The following FBXO33 variants were observed in gnomAD, a reference collection of about 807,000 sequenced individuals.
The protein encoded by FBXO33 is F-box only protein 33.
In FBXO33, 22 loss-of-function variants were observed where a neutral mutation model predicts 46.3. The ratio of observed to expected loss-of-function variants is 0.48; its 90% CI spans 0.34 to 0.68. The LOEUF (loss-of-function observed/expected upper bound fraction) is 0.68, where lower values mean the gene tolerates loss of function less well. Among genes scored for constraint, FBXO33 ranks in the 30% least tolerant of loss-of-function variants. The pLI is 0.01. For missense variants in FBXO33, 692 were observed against 708.8 expected, an observed-to-expected ratio of 0.98 and a Z score of 0.27; for synonymous variants, 337 against 291.3, an observed-to-expected ratio of 1.16 and a Z score of -1.60.
chr14:39,420,973 T>G (rs1044482276), intron 1 of FBXO33, among the ~76,000 whole-genome samples: 5 of 152,080 alleles, frequency 3.3e-5, no homozygotes. Context: ...GAAAGCTGGT[T>G]TAGGATTTTA....
rs775184549 is a variant in FBXO33, at chr14:39,431,712, C to T, written c.451G>A (p.Gly151Ser). ...VEFAAENYLSGGGPGDGGGAD... is the reference protein window; with the variant it reads ...VEFAAENYLSSGGPGDGGGAD... ...CCACCTCCGTCCCCTGGGCCACCGC[C>T]GCTCAGATAGTTCTCGGCGGCGAAT... Residue 151 changes from glycine (G) to serine (S), a missense_variant, in exon 1 of 4, where the codon GGC becomes AGC. Gly to Ser is a moderately conservative substitution (Grantham distance 56). Coordinates refer to ENST00000298097, the MANE Select transcript of FBXO33 (RefSeq NM_203301.4). The T allele has an allele frequency of 2.5e-6, 4 of 1,613,432 alleles. No individual in the cohort carries two copies. Among genetic ancestry groups the T allele is most frequent in the Non-Finnish European group, 2.5e-6 (3 of 1,180,000 alleles).
chr14:39,422,590 TCTA>T (rs1228125154), intron 1 of FBXO33, among the ~76,000 whole-genome samples: 1 of 152,258 alleles, frequency 6.6e-6, no homozygotes, highest in Non-Finnish European at 1.5e-5. Context: ...GCTGACTTCT[TCTA>T]CATTTCATTG....
rs2075495862 is a variant in FBXO33, at chr14:39,423,577, A to G, written c.599+7987T>C. Among the ~76,000 whole-genome samples the G allele has an allele frequency of 3.3e-5, 5 of 152,234 alleles. No homozygotes were observed. In the South Asian group the frequency reaches 1.0e-3, roughly 31 times the overall value. ...GATAAATTACAGTCTAATCATCAATAAAAATTAATGAACAACTATTATAGT... is the reference window on the plus strand; with the variant it reads ...GATAAATTACAGTCTAATCATCAATGAAAATTAATGAACAACTATTATAGT... On this transcript the variant is annotated intron_variant, in intron 1 of 3. Coordinates refer to ENST00000298097, the MANE Select transcript of FBXO33 (RefSeq NM_203301.4).
chr14:39,420,347 A>C (rs2075475260), intron 1 of FBXO33, among the ~76,000 whole-genome samples: 1 of 152,234 alleles, frequency 6.6e-6, no homozygotes, highest in Non-Finnish European at 1.5e-5. Context: ...ATACTTTAGT[A>C]AAGGTAAAAT....
intron 1 of FBXO33, among the ~76,000 whole-genome samples, chr14:39,418,791 A>C (rs200764341): frequency 2.5e-3 from 182 of 73,636 alleles, no homozygotes; most frequent in East Asian, 0.014. Context: ...AAAAAAAAAC[A>C]AAAAAAAAAC....
intron 1 of FBXO33, among the ~76,000 whole-genome samples, chr14:39,430,322 C>T (rs1033149188): frequency 6.6e-6 from 1 of 152,154 alleles, no homozygotes; most frequent in Non-Finnish European, 1.5e-5. Context: ...CAACTTGGAG[C>T]TATAACTTAT....
rs77726617 is a variant in FBXO33 at position 39,431,709 on chromosome 14, C to A, written c.454G>T (p.Gly152Cys). 6.2e-7 allele frequency: 1 copy of A among 1,613,430 alleles called. No individual in the cohort carries two copies. Among genetic ancestry groups the A allele is most frequent in the East Asian group, 2.2e-5 (1 of 44,874 alleles). Residue 152 changes from glycine to cysteine, a missense_variant, in exon 1 of 4, where the codon GGT becomes TGT. Gly to Cys is a radical substitution (Grantham distance 159, BLOSUM62 -3). Transcript: ENST00000298097. ...GCGCCACCTCCGTCCCCTGGGCCAC[C>A]GCCGCTCAGATAGTTCTCGGCGGCG... ...EFAAENYLSG[G>C]GPGDGGGADT... is the part of the protein sequence containing the mutation.
At chr14:39,399,934 A>C in intron 3 of FBXO33, 147 bp from the exon 4 acceptor site, 1 of 952,308 alleles carries the variant, frequency 1.1e-6, no homozygotes, top group Non-Finnish European at 1.5e-6. Flanking sequence ...TTAGAAATAT[A>C]TTGAAATTGG....
intron 1 of FBXO33, among the ~76,000 whole-genome samples, chr14:39,421,701 G>C (rs2075484979): frequency 6.6e-6 from 1 of 152,000 alleles, no homozygotes; most frequent in Non-Finnish European, 1.5e-5. Context: ...AGTGCTTGGT[G>C]ATAAATGAGT....
chr14:39,405,612 G>A (rs746765283), intron 1 of FBXO33, among the ~76,000 whole-genome samples: 109 of 151,892 alleles, frequency 7.2e-4, no homozygotes, highest in Non-Finnish European at 1.4e-3. Flanking sequence ...CAATAAATTA[G>A]GAAGTGATAC....
In FBXO33 at chr14:39,397,722, A is replaced by G. The variant is rs1231388170; in HGVS notation, c.*1794T>C. 1 of 152,698 alleles carries G rather than the reference A, an allele frequency of 6.5e-6. No individual in the cohort carries two copies. 9.5% of individuals were successfully genotyped at this position (152,698 alleles called of 1,614,324 possible). On this transcript the variant is annotated 3_prime_UTR_variant, in exon 4 of 4. Coordinates refer to ENST00000298097, the MANE Select transcript of FBXO33 (RefSeq NM_203301.4). ...AGTTTATTTAACACTAAAAGTAGTC[A>G]TGCTTCATATACAATAAAATATATT...
At position 39,407,400 on chromosome 14, in the gene FBXO33, A is replaced by C. The variant is rs140564740; in HGVS notation, c.600-4889T>G. 1.1e-4 allele frequency among the ~76,000 whole-genome samples: 16 copies of C among 152,282 alleles called. No homozygotes were observed. In the East Asian group the frequency reaches 3.1e-3, roughly 29 times the overall value. ...CTATGCTTTACAACAGATCTCTAGA[A>C]ATTTTTCATCTTGCAGAACAGAAAT... On this transcript the variant is annotated intron_variant, in intron 1 of 3. Transcript: ENST00000298097.
In FBXO33 at chr14:39,431,703, G is replaced by T; in HGVS notation, c.460C>A (p.Pro154Thr). ...AAENYLSGGG[P>T]GDGGGADTGT... ...GTGTCCGCGCCACCTCCGTCCCCTG[G>T]GCCACCGCCGCTCAGATAGTTCTCG... Residue 154 changes from proline (P) to threonine (T), a missense_variant, in exon 1 of 4, where the codon CCA (proline) becomes ACA (threonine). Coordinates refer to ENST00000298097, the MANE Select transcript of FBXO33 (RefSeq NM_203301.4). 1 of 1,613,328 alleles carries T rather than the reference G, an allele frequency of 6.2e-7. No homozygotes were observed.
intron 1 of FBXO33, among the ~76,000 whole-genome samples, chr14:39,409,282 C>G (rs562616682): frequency 6.6e-6 from 1 of 152,182 alleles, no homozygotes; most frequent in East Asian, 1.9e-4. Flanking sequence ...ACGATAGGAT[C>G]CAATTTCCTT....
Position 39,432,034 on chromosome 14 carries a change from C to G in FBXO33, c.129G>C (p.Arg43=). 7.5e-7 allele frequency: 1 copy of G among 1,330,996 alleles called. No homozygotes were observed. The highest frequency in any genetic ancestry group is 9.6e-7 in the Non-Finnish European group (1 of 1,046,432). The allele number at this position is 1,330,996 out of a possible 1,614,324, so 82.4% of individuals were successfully genotyped here. A position where few individuals can be genotyped will look rare whatever the true frequency, so the allele number is the denominator to read the frequency against. The part of the protein sequence containing the change: ...QQLRRLRGLL[R]VLRGRPGAGS... ...CGGCTCCCGGCCGCCCCCGCAGTAC[C>G]CGGAGCAGCCCCCGCAGCCGTCGCA... is the stretch of plus-strand genomic sequence containing the variant. The change falls in exon 1 of 4, where the codon CGG becomes CGC. Residue 43 remains arginine, a synonymous_variant. Coordinates refer to ENST00000298097, the MANE Select transcript of FBXO33 (RefSeq NM_203301.4).
intron 1 of FBXO33, among the ~76,000 whole-genome samples, chr14:39,429,682 A>AT (rs2075533527): frequency 6.6e-6 from 1 of 152,250 alleles, no homozygotes; most frequent in South Asian, 2.1e-4. Context: ...CCAAAGCAGC[A>AT]TGACATACAA....
intron 3 of FBXO33, among the ~76,000 whole-genome samples, chr14:39,400,414 T>G (rs192618170): frequency 1.7e-4 from 26 of 152,280 alleles, no homozygotes; most frequent in Non-Finnish European, 1.5e-5. Context: ...TGGCTTAAAT[T>G]AACTTTTAAA....
chr14:39,408,978 T>C (rs985224172), intron 1 of FBXO33, among the ~76,000 whole-genome samples: 1 of 151,972 alleles, frequency 6.6e-6, no homozygotes, highest in Non-Finnish European at 1.5e-5. Flanking sequence ...GGTTTTATCA[T>C]GTTGTCCAGG....
chr14:39,416,649 G>A (rs535533075), intron 1 of FBXO33, among the ~76,000 whole-genome samples: 8 of 151,950 alleles, frequency 5.3e-5, no homozygotes, highest in Non-Finnish European at 1.0e-4. Flanking sequence ...TTTCGGTTCA[G>A]TTACTGTATT....
Sources: allele counts gnomAD v4.1 joint callset (sites outside exome capture counted in the v4.1 genomes callset), GRCh38; gene constraint gnomAD v4.1.1; transcripts MANE v1.5; gene names NCBI Gene and HGNC (gene_info 2026-07-23, HGNC 2026-07-21).